MECOM: variants seen among roughly 807,000 people sequenced by gnomAD.
The protein encoded by MECOM is MDS1 and EVI1 complex locus, also known as histone-lysine N-methyltransferase MECOM.
In MECOM, 13 loss-of-function variants were observed where a neutral mutation model predicts 116.3. That is an observed-to-expected ratio of 0.11 (90% CI 0.07 to 0.18). The LOEUF is 0.18. Among genes scored for constraint, MECOM ranks in the 10% least tolerant of loss-of-function variants. The pLI is 1.00. For missense variants in MECOM, 1,299 were observed against 1,509.0 expected (o/e 0.86, Z 2.31); for synonymous variants, 528 against 535.2 (o/e 0.99, Z 0.19).
At chr3:169,376,172 C>T (rs543851460) in intron 2 of MECOM, among the ~76,000 whole-genome samples, 9 of 152,182 alleles carry the variant, frequency 5.9e-5, no homozygotes, top group African/African-American at 9.6e-5. Flanking sequence ...ATTGATGGAA[C>T]GTATCTCAAA....
intron 1 of MECOM, among the ~76,000 whole-genome samples, chr3:169,420,220 A>G (rs752013060): frequency 3.3e-5 from 5 of 152,094 alleles, no homozygotes; most frequent in Non-Finnish European, 7.4e-5. Context: ...CCCAAGTTCA[A>G]GCATCTCTCC....
chr3:169,335,621 G>A (rs1248045053), intron 2 of MECOM, among the ~76,000 whole-genome samples: 1 of 152,096 alleles, frequency 6.6e-6, no homozygotes, highest in African/African-American at 2.4e-5. Flanking sequence ...AGTAAAAGAT[G>A]ACTTCAGAAC....
At chr3:169,414,467 T>C (rs553910994) in intron 1 of MECOM, among the ~76,000 whole-genome samples, 2 of 152,192 alleles carry the variant, frequency 1.3e-5, no homozygotes, top group African/African-American at 4.8e-5. Context: ...AAAACCAGAA[T>C]GCCCATTCTC....
At chr3:169,442,367 A>G (rs1743879464) in intron 1 of MECOM, among the ~76,000 whole-genome samples, 1 of 152,202 alleles carries the variant, frequency 6.6e-6, no homozygotes, top group South Asian at 2.1e-4. Flanking sequence ...GGCTTGTGTT[A>G]CACTTCTTAT....
intron 2 of MECOM, among the ~76,000 whole-genome samples, chr3:169,317,904 T>A (rs1292350326): frequency 6.6e-6 from 1 of 152,162 alleles, no homozygotes; most frequent in Admixed American, 6.5e-5. Flanking sequence ...CAAAACAGCA[T>A]GGTACTGGTA....
At chr3:169,432,645 A>G (rs1741828049) in intron 1 of MECOM, among the ~76,000 whole-genome samples, 1 of 152,238 alleles carries the variant, frequency 6.6e-6, no homozygotes, top group East Asian at 1.9e-4. Context: ...CATAGAACAC[A>G]AAAAGCCCTG....
chr3:169,221,162 G>A (rs976760953), intron 2 of MECOM, among the ~76,000 whole-genome samples: 9 of 152,120 alleles, frequency 5.9e-5, no homozygotes, highest in African/African-American at 1.9e-4. Context: ...TTGCAGTGTT[G>A]CAAAGATTAA....
chr3:169,594,711 C>T (rs1007189653), intron 1 of MECOM, among the ~76,000 whole-genome samples: 1 of 151,632 alleles, frequency 6.6e-6, no homozygotes, highest in African/African-American at 2.4e-5. Context: ...AGGCATTTCA[C>T]ACAGCTGGCT....
rs1764196800 is a variant in MECOM, at chr3:169,573,845, T to A, written c.37+89491A>T. Among the ~76,000 whole-genome samples the A allele has an allele frequency of 7.2e-5, 11 of 152,326 alleles. No individual in the cohort carries two copies. In the South Asian group the frequency reaches 2.3e-3, roughly 32 times the overall value. On this transcript the variant is annotated intron_variant, in intron 1 of 16. Transcript: ENST00000651503. ...AATTAAAACACATCCTATGAAGATA[T>A]GTTAAAGACCACGTTGAGTTGGAAA...
chr3:169,517,736 A>G (rs1756815162), intron 1 of MECOM, among the ~76,000 whole-genome samples: 1 of 152,210 alleles, frequency 6.6e-6, no homozygotes, highest in South Asian at 2.1e-4. Flanking sequence ...ACAAGAAGAG[A>G]CCAGTGAAAG....
At chr3:169,580,797 C>T (rs1017829735) in intron 1 of MECOM, among the ~76,000 whole-genome samples, 1 of 152,190 alleles carries the variant, frequency 6.6e-6, no homozygotes, top group East Asian at 1.9e-4. Context: ...AATATAGAGT[C>T]ATCACATTTT....
chr3:169,112,636 G>T, intron 9 of MECOM, 151 bp downstream of exon 9: 1 of 639,574 alleles, frequency 1.6e-6, no homozygotes, highest in Admixed American at 2.9e-5. Context: ...AAGAGTTTGG[G>T]TTTTAATTCT....
At chr3:169,178,529 A>G (rs1745509154) in intron 2 of MECOM, among the ~76,000 whole-genome samples, 3 of 152,198 alleles carry the variant, frequency 2.0e-5, no homozygotes, top group African/African-American at 7.2e-5. Flanking sequence ...GACAATGTAT[A>G]GCCAGCTAAG....
intron 2 of MECOM, among the ~76,000 whole-genome samples, chr3:169,151,714 A>T (rs549054543): frequency 6.6e-6 from 1 of 152,318 alleles, no homozygotes; most frequent in South Asian, 2.1e-4. Flanking sequence ...AAAGAAAATC[A>T]ATGCTTCCTT....
intron 12 of MECOM, among the ~76,000 whole-genome samples, chr3:169,096,535 G>T (rs59871688): frequency 0.057 from 8,604 of 152,174 alleles, 705 homozygotes; most frequent in East Asian, 0.31. Flanking sequence ...CTCCCAAAGT[G>T]CCGGGATTAC....
intron 2 of MECOM, among the ~76,000 whole-genome samples, chr3:169,159,561 AAAAT>A (rs1239490936): frequency 6.6e-6 from 1 of 152,184 alleles, no homozygotes; most frequent in Admixed American, 6.5e-5. Flanking sequence ...CCGTCTCAAA[AAAAT>A]AAATAAATAA....
chr3:169,625,159 A>T (rs1269240349), intron 1 of MECOM, among the ~76,000 whole-genome samples: 1 of 152,216 alleles, frequency 6.6e-6, no homozygotes, highest in East Asian at 1.9e-4. Context: ...AGGCAATTAC[A>T]AACATTTGGC....
chr3:169,509,770 T>C (rs1755728071), intron 1 of MECOM, among the ~76,000 whole-genome samples: 1 of 152,264 alleles, frequency 6.6e-6, no homozygotes, highest in African/African-American at 2.4e-5. Context: ...CCAATGGGCA[T>C]TTAGGTTGTT....
chr3:169,144,336 G>C (rs1228642777), intron 2 of MECOM, among the ~76,000 whole-genome samples: 1 of 151,876 alleles, frequency 6.6e-6, no homozygotes, highest in East Asian at 1.9e-4. Flanking sequence ...GAGATAATAA[G>C]ATTTGTCTTA....
Sources: gnomAD v4.1 joint callset for allele counts (sites outside exome capture counted in the v4.1 genomes callset) on GRCh38, gnomAD v4.1.1 for gene constraint, MANE v1.5 for transcripts, NCBI Gene and HGNC (gene_info 2026-07-23, HGNC 2026-07-21) for gene names.